The following SLC24A2 variants were observed in gnomAD, a reference collection of about 807,000 sequenced individuals.
SLC24A2 encodes the protein sodium/potassium/calcium exchanger 2.
A neutral mutation model predicts 62.0 loss-of-function variants in SLC24A2; 36 were observed. The ratio of observed to expected loss-of-function variants is 0.58; its 90% CI spans 0.44 to 0.77. The LOEUF (loss-of-function observed/expected upper bound fraction) is 0.77, where lower values mean the gene tolerates loss of function less well. Among genes scored for constraint, SLC24A2 ranks in the 30% least tolerant of loss-of-function variants. The probability of loss-of-function intolerance (pLI) is 0.00; values close to 1 mark genes in which losing one functional copy is unlikely to be tolerated. For synonymous variants in SLC24A2, 358 were observed against 294.0 expected, an observed-to-expected ratio of 1.22 and a Z score of -2.23; for missense variants, 846 against 817.9, an observed-to-expected ratio of 1.03 and a Z score of -0.42.
chr9:19,729,998 T>A (rs1318940987), intron 2 of SLC24A2, among the ~76,000 whole-genome samples: 2 of 152,272 alleles, frequency 1.3e-5, no homozygotes, highest in African/African-American at 4.8e-5. Context: ...TGTACCATTA[T>A]CATTTGTCAA....
intron 8 of SLC24A2, among the ~76,000 whole-genome samples, chr9:19,546,368 T>C (rs1834569530): frequency 6.6e-6 from 1 of 152,208 alleles, no homozygotes; most frequent in African/African-American, 2.4e-5. Context: ...GCCTTTTTTT[T>C]TCAGTGATGC....
chr9:20,169,916 T>G, the SLC24A2 span, among the ~76,000 whole-genome samples: 1 of 151,902 alleles, frequency 6.6e-6, no homozygotes, highest in Non-Finnish European at 1.5e-5. Flanking sequence ...AAAGCCAGTT[T>G]AAATAAATCA....
rs1172643392 is a variant in SLC24A2, at chr9:19,510,463, TAAGTC to T, written c.*5685_*5689del. 3.3e-4 allele frequency: 43 copies of T among 131,594 alleles called. No individual in the cohort carries two copies. The highest frequency in any genetic ancestry group is 7.0e-4 in the South Asian group (3 of 4,268). The allele number at this position is 131,594 out of a possible 1,614,324, so 8.2% of individuals were successfully genotyped here. On this transcript the variant is annotated 3_prime_UTR_variant, in exon 11 of 11. Transcript: ENST00000341998. ...AAAAAAAAAAAAAAAAAAAAAAAGT[TAAGTC>T]ATTAAGTGGATGGGTTTGGGTTAAC... is the stretch of plus-strand genomic sequence containing the variant.
At chr9:19,763,832 G>A (rs563966659) in intron 2 of SLC24A2, among the ~76,000 whole-genome samples, 5 of 152,288 alleles carry the variant, frequency 3.3e-5, no homozygotes, top group African/African-American at 9.6e-5. Context: ...CTCATAGAAC[G>A]AGTTAGGGAG....
chr9:19,962,105 C>G, the SLC24A2 span, among the ~76,000 whole-genome samples: 2 of 152,184 alleles, frequency 1.3e-5, no homozygotes, highest in South Asian at 4.1e-4. Flanking sequence ...GTTAATGATT[C>G]ATTTATTCTC....
the SLC24A2 span, among the ~76,000 whole-genome samples, chr9:19,931,672 C>T: frequency 6.6e-6 from 1 of 152,096 alleles, no homozygotes; most frequent in African/African-American, 2.4e-5. Context: ...TTTTGGTTTG[C>T]CCAGGACTGT....
At chr9:19,876,872 A>G in the SLC24A2 span, among the ~76,000 whole-genome samples, 1 of 152,096 alleles carries the variant, frequency 6.6e-6, no homozygotes, top group Non-Finnish European at 1.5e-5. Context: ...TGATCTAAGT[A>G]AGTTCAAGCT....
the SLC24A2 span, among the ~76,000 whole-genome samples, chr9:19,984,064 T>G: frequency 3.9e-4 from 60 of 152,344 alleles, no homozygotes; most frequent in Admixed American, 1.0e-3. Flanking sequence ...AAGTCAAAAA[T>G]GTACTTCTGA....
At chr9:20,152,104 T>G in the SLC24A2 span, among the ~76,000 whole-genome samples, 1 of 151,924 alleles carries the variant, frequency 6.6e-6, no homozygotes, top group Non-Finnish European at 1.5e-5. Flanking sequence ...TCCATTGCTT[T>G]TCCATCAACA....
the SLC24A2 span, among the ~76,000 whole-genome samples, chr9:20,077,137 C>T: frequency 4.0e-5 from 6 of 151,460 alleles, no homozygotes; most frequent in Non-Finnish European, 7.4e-5. Context: ...AGGGGCAGAG[C>T]GTGTGGTGAG....
At chr9:19,535,244 G>A (rs1000319292) in intron 8 of SLC24A2, among the ~76,000 whole-genome samples, 5 of 151,986 alleles carry the variant, frequency 3.3e-5, no homozygotes, top group African/African-American at 1.2e-4. Context: ...TGAAGATTCT[G>A]GATATTAGCC....
At chr9:19,916,338 C>T in the SLC24A2 span, among the ~76,000 whole-genome samples, 3 of 152,044 alleles carry the variant, frequency 2.0e-5, no homozygotes, top group Middle Eastern at 3.4e-3. Context: ...CTGAGAAGTG[C>T]GAGTCCTCCA....
chr9:19,532,622 G>C (rs1229801287), intron 8 of SLC24A2, among the ~76,000 whole-genome samples: 1 of 152,166 alleles, frequency 6.6e-6, no homozygotes, highest in Non-Finnish European at 1.5e-5. Context: ...ACTGATAATT[G>C]GGGAAGTGAA....
intron 8 of SLC24A2, among the ~76,000 whole-genome samples, chr9:19,541,835 C>G (rs951974894): frequency 6.6e-6 from 1 of 151,202 alleles, no homozygotes; most frequent in African/African-American, 2.4e-5. Context: ...TGATCTCAGA[C>G]TGCTGTGCTA....
chr9:20,165,700 C>A, the SLC24A2 span, among the ~76,000 whole-genome samples: 1 of 151,718 alleles, frequency 6.6e-6, no homozygotes, highest in African/African-American at 2.4e-5. Context: ...AGAACAAAAC[C>A]TAATTAATGT....
intron 5 of SLC24A2, among the ~76,000 whole-genome samples, chr9:19,585,173 C>T (rs1836334995): frequency 1.3e-5 from 2 of 152,082 alleles, no homozygotes; most frequent in African/African-American, 4.8e-5. Flanking sequence ...TCCTCATTTC[C>T]TCTACACTCA....
chr9:19,559,433 T>A (rs746640354), intron 7 of SLC24A2, among the ~76,000 whole-genome samples: 1 of 152,108 alleles, frequency 6.6e-6, no homozygotes, highest in Non-Finnish European at 1.5e-5. Flanking sequence ...AAGGAGAAAA[T>A]ACGATTTTAT....
chr9:19,571,456 T>C (rs1185081641), intron 7 of SLC24A2, among the ~76,000 whole-genome samples: 1 of 152,202 alleles, frequency 6.6e-6, no homozygotes, highest in Non-Finnish European at 1.5e-5. Flanking sequence ...GTCTGGTTTC[T>C]ATTTGCAGGC....
intron 8 of SLC24A2, among the ~76,000 whole-genome samples, chr9:19,533,838 TCTAA>T (rs1233613551): frequency 6.6e-6 from 1 of 152,226 alleles, no homozygotes; most frequent in Non-Finnish European, 1.5e-5. Flanking sequence ...ACAAAAATCT[TCTAA>T]CTAAGCATGA....
Sources: allele counts gnomAD v4.1 joint callset (sites outside exome capture counted in the v4.1 genomes callset), GRCh38; gene constraint gnomAD v4.1.1; transcripts MANE v1.5; gene names NCBI Gene and HGNC (gene_info 2026-07-23, HGNC 2026-07-21).